ARHGAP26: variants seen among roughly 807,000 people sequenced by gnomAD.
ARHGAP26 encodes the protein Rho GTPase activating protein 26.
ARHGAP26 carries 38 observed loss-of-function variants against 104.8 expected under a neutral mutation model. That is an observed-to-expected ratio of 0.36 (90% CI 0.28 to 0.48). The LOEUF is 0.48. Ranked by LOEUF, ARHGAP26 falls within the 20% of genes least tolerant of loss-of-function variation. The pLI is 0.99. For synonymous variants in ARHGAP26, 341 were observed against 340.0 expected (o/e 1.00, Z -0.03); for missense variants, 704 against 947.9 (o/e 0.74, Z 3.38).
At position 143,196,971 on chromosome 5, in the gene ARHGAP26, T is replaced by C. The variant is rs149547791; in HGVS notation, c.1989-10227T>C. ...ATATGGAAATAATGAGGATAGACTG[T>C]ATATATCCCTAAATGCAACATTTTA... On this transcript the variant is annotated intron_variant, in intron 20 of 22. Transcript: ENST00000645722. Among the ~76,000 whole-genome samples, 341 of 152,382 alleles carry C rather than the reference T, an allele frequency of 2.2e-3. 5 individuals are homozygous for C. Among genetic ancestry groups the C allele is most frequent in the Admixed American group, 0.017 (253 of 15,310 alleles).
intron 20 of ARHGAP26, among the ~76,000 whole-genome samples, chr5:143,198,857 TC>T (rs1807261487): frequency 1.3e-5 from 2 of 152,218 alleles, no homozygotes; most frequent in Admixed American, 1.3e-4. Context: ...ACAGGTTTGT[TC>T]CATGGGTATA....
chr5:142,911,881 C>T (rs1380644400), intron 9 of ARHGAP26, among the ~76,000 whole-genome samples: 1 of 152,214 alleles, frequency 6.6e-6, no homozygotes, highest in Non-Finnish European at 1.5e-5. Context: ...AGAAATTAAT[C>T]TTTGCTATTC....
chr5:142,896,463 C>G (rs1759491307), intron 6 of ARHGAP26, among the ~76,000 whole-genome samples: 2 of 152,296 alleles, frequency 1.3e-5, no homozygotes, highest in South Asian at 4.1e-4. Flanking sequence ...AAACCTCATA[C>G]AACAATAGAT....
intron 11 of ARHGAP26, among the ~76,000 whole-genome samples, chr5:142,993,962 T>C (rs1044137281): frequency 1.5e-4 from 23 of 152,344 alleles, no homozygotes; most frequent in Non-Finnish European, 2.5e-4. Context: ...GAGCCACTTT[T>C]TGAAGTTAAT....
chr5:142,807,766 G>A (rs546875850), intron 1 of ARHGAP26, among the ~76,000 whole-genome samples: 4 of 152,266 alleles, frequency 2.6e-5, no homozygotes, highest in African/African-American at 9.6e-5. Flanking sequence ...ACAGAGATTT[G>A]TGCTGAGCTG....
At position 142,808,244 on chromosome 5, in the gene ARHGAP26, A is replaced by G. The variant is rs1199030056; in HGVS notation, c.154+37329A>G. Among the ~76,000 whole-genome samples the G allele has an allele frequency of 2.9e-3, 248 of 85,720 alleles. 30 individuals are homozygous for G. Among genetic ancestry groups the G allele is most frequent in the East Asian group, 0.013 (20 of 1,524 alleles). 56.2% of individuals were successfully genotyped at this position (85,720 alleles called of 152,430 possible). A position where few individuals can be genotyped will look rare whatever the true frequency, so the allele number is the denominator to read the frequency against. ...AGTGAGACATTGTCTCGGAAAAAAA[A>G]AAAAAAAAAAAAAAAAAAAAAAAAA... On this transcript the variant is annotated intron_variant, in intron 1 of 22. Coordinates refer to ENST00000645722, the MANE Select transcript of ARHGAP26 (RefSeq NM_001135608.3).
chr5:142,932,002 A>G, intron 10 of ARHGAP26, 45 bp from the exon 11 acceptor site: 1 of 1,562,558 alleles, frequency 6.4e-7, no homozygotes, highest in Non-Finnish European at 8.8e-7. Context: ...CAATCTCTCT[A>G]CATGTGGCAC....
intron 1 of ARHGAP26, among the ~76,000 whole-genome samples, chr5:142,775,905 T>C (rs1613324): frequency 0.33 from 50,709 of 152,118 alleles, 15,911 homozygotes; most frequent in African/African-American, 0.82. Context: ...GTCATAAAAA[T>C]GTATTTTTTT....
At position 142,879,427 on chromosome 5, in the gene ARHGAP26, A is replaced by G. The variant is rs752295227; in HGVS notation, c.366A>G (p.Glu122=). 1.3e-5 allele frequency: 21 copies of G among 1,613,770 alleles called. No homozygotes were observed. The Admixed American group carries it at 2.3e-4, about 18-fold the overall frequency. Residue 122 remains glutamate, a synonymous_variant, in exon 4 of 23, where the codon GAA becomes GAG. Transcript: ENST00000645722. The stretch of plus-strand genomic sequence containing the variant: ...CTCCCTTGGAGAAGTTTCGAAAGGA[A>G]CAGATCGGGGCTGCCAAGGTGAGAA... ...LITPLEKFRK[E]QIGAAKEAKK...
At chr5:143,141,911 A>G (rs1436255270) in intron 19 of ARHGAP26, among the ~76,000 whole-genome samples, 1 of 152,102 alleles carries the variant, frequency 6.6e-6, no homozygotes, top group Non-Finnish European at 1.5e-5. Context: ...GATCAGTGCA[A>G]TCCCAGGCCA....
At chr5:142,950,625 T>G (rs901817514) in intron 11 of ARHGAP26, among the ~76,000 whole-genome samples, 2 of 152,184 alleles carry the variant, frequency 1.3e-5, no homozygotes, top group Non-Finnish European at 2.9e-5. Flanking sequence ...GACACCCAAT[T>G]TGAGTTATTG....
chr5:143,142,289 C>T (rs947448303), intron 19 of ARHGAP26, among the ~76,000 whole-genome samples: 5 of 151,852 alleles, frequency 3.3e-5, no homozygotes, highest in Non-Finnish European at 5.9e-5. Flanking sequence ...CATGCGCCCG[C>T]CACCACGCCC....
At chr5:142,966,219 A>T (rs761313600) in intron 11 of ARHGAP26, among the ~76,000 whole-genome samples, 6 of 152,228 alleles carry the variant, frequency 3.9e-5, no homozygotes, top group Non-Finnish European at 7.3e-5. Context: ...GTACTGTAGG[A>T]GAGGGCATGC....
At chr5:143,026,672 G>A (rs191494868) in intron 12 of ARHGAP26, among the ~76,000 whole-genome samples, 68 of 152,260 alleles carry the variant, frequency 4.5e-4, no homozygotes, top group African/African-American at 1.5e-3. Flanking sequence ...GTGGGGCCAG[G>A]AGATAAGACT....
Position 143,075,648 on chromosome 5 carries a change from G to A in ARHGAP26, c.1538+17901G>A, listed in dbSNP as rs139422132. 1.3e-3 allele frequency among the ~76,000 whole-genome samples: 196 copies of A among 152,236 alleles called. 1 individual carries two copies. The highest frequency in any genetic ancestry group is 4.4e-3 in the African/African-American group (184 of 41,558). ...ACTAAAGTTTGGGAACTACTGCTAAGGACAATATTGATTAAATGTGCATTT... is the reference window on the plus strand; with the variant it reads ...ACTAAAGTTTGGGAACTACTGCTAAAGACAATATTGATTAAATGTGCATTT... On this transcript the variant is annotated intron_variant, in intron 17 of 22. Coordinates refer to ENST00000645722, the MANE Select transcript of ARHGAP26 (RefSeq NM_001135608.3).
intron 1 of ARHGAP26, among the ~76,000 whole-genome samples, chr5:142,850,283 T>C (rs56121326): frequency 0.016 from 2,404 of 152,298 alleles, 66 homozygotes; most frequent in African/African-American, 0.055. Flanking sequence ...GTCAATTCCT[T>C]TGTGACCAGT....
intron 17 of ARHGAP26, among the ~76,000 whole-genome samples, chr5:143,103,004 G>C (rs1793476252): frequency 6.6e-6 from 1 of 151,726 alleles, no homozygotes; most frequent in South Asian, 2.1e-4. Context: ...TTCACAGGGG[G>C]GATCTGACAT....
chr5:143,113,978 C>T (rs566513247), intron 17 of ARHGAP26, among the ~76,000 whole-genome samples: 4 of 152,154 alleles, frequency 2.6e-5, no homozygotes, highest in Non-Finnish European at 5.9e-5. Context: ...CTTTGCCCGT[C>T]GTTAGCTGTG....
chr5:143,011,806 G>A (rs1764969393), intron 11 of ARHGAP26, among the ~76,000 whole-genome samples: 1 of 152,190 alleles, frequency 6.6e-6, no homozygotes, highest in South Asian at 2.1e-4. Flanking sequence ...CAACCTCTAT[G>A]TCAGCCTCCA....
Sources: gnomAD v4.1 joint callset for allele counts (sites outside exome capture counted in the v4.1 genomes callset) on GRCh38, gnomAD v4.1.1 for gene constraint, MANE v1.5 for transcripts, NCBI Gene and HGNC (gene_info 2026-07-23, HGNC 2026-07-21) for gene names.